The following PCNX2 variants were observed in gnomAD, a reference collection of about 807,000 sequenced individuals.
PCNX2 encodes the protein pecanex 2, also known as pecanex-like protein 2.
PCNX2 carries 168 observed loss-of-function variants against 223.8 expected under a neutral mutation model. That is an observed-to-expected ratio of 0.75 (90% CI 0.66 to 0.85). The LOEUF (loss-of-function observed/expected upper bound fraction) is 0.85. Among genes scored for constraint, PCNX2 ranks in the 40% least tolerant of loss-of-function variants. The pLI is 0.00. For missense variants in PCNX2, 2,507 were observed against 2,675.5 expected, an observed-to-expected ratio of 0.94 and a Z score of 1.39; for synonymous variants, 1,006 against 1,052.6, an observed-to-expected ratio of 0.96 and a Z score of 0.86.
Position 233,161,297 on chromosome 1 carries a change from C to A in PCNX2, c.3340G>T (p.Ala1114Ser). Residue 1114 changes from alanine (A) to serine (S), a missense_variant, in exon 18 of 34, where the codon GCC becomes TCC. Ala to Ser is a moderately conservative substitution (Grantham distance 99). Transcript: ENST00000258229. ...CGCAATGACAGGAATACAGTGCTGG[C>A]GCTGACTGCAAATGAGAGGACAGCA... ...VVAVLSFAVS[A>S]STVFLSLRPF... 1 of 1,613,798 alleles carries A rather than the reference C, an allele frequency of 6.2e-7. No individual in the cohort carries two copies.
intron 5 of PCNX2, among the ~76,000 whole-genome samples, chr1:233,257,023 A>T (rs1166175413): frequency 6.6e-6 from 1 of 152,228 alleles, no homozygotes; most frequent in Non-Finnish European, 1.5e-5. Context: ...CTATGTAGAA[A>T]TGATATGCTC....
At chr1:233,230,919 C>T (rs141279362) in intron 9 of PCNX2, among the ~76,000 whole-genome samples, 1 of 152,048 alleles carries the variant, frequency 6.6e-6, no homozygotes, top group Non-Finnish European at 1.5e-5. Flanking sequence ...TTCTGAGATA[C>T]CTGAGAAATT....
At chr1:233,129,399 C>T (rs983812392) in intron 21 of PCNX2, among the ~76,000 whole-genome samples, 24 of 152,216 alleles carry the variant, frequency 1.6e-4, no homozygotes, top group East Asian at 3.9e-4. Context: ...CACCCCGCCC[C>T]GCCGCGGTGG....
At chr1:233,107,658 A>C (rs67996392) in intron 21 of PCNX2, among the ~76,000 whole-genome samples, 27,211 of 142,904 alleles carry the variant, frequency 0.19, 2,541 homozygotes, top group East Asian at 0.26. Context: ...TTTCTTCCAC[A>C]CTTACAATGA....
At chr1:233,032,924 A>G (rs1056386251) in intron 25 of PCNX2, 1 of 913,410 alleles carries the variant, frequency 1.1e-6, no homozygotes, top group Non-Finnish European at 1.3e-6. Context: ...ATATTAAAAA[A>G]GAATATGAAA....
intron 28 of PCNX2, among the ~76,000 whole-genome samples, chr1:233,005,095 T>G (rs962067060): frequency 9.9e-5 from 15 of 152,252 alleles, no homozygotes; most frequent in African/African-American, 3.6e-4. Context: ...AGAAAACATT[T>G]GGAAATGCTC....
At chr1:233,103,920 T>C (rs963547181) in intron 21 of PCNX2, among the ~76,000 whole-genome samples, 8 of 152,204 alleles carry the variant, frequency 5.3e-5, no homozygotes, top group Non-Finnish European at 8.8e-5. Flanking sequence ...AGGGTTCTCA[T>C]TTCTCCACAT....
intron 21 of PCNX2, chr1:233,112,799 A>C (rs897366066): frequency 8.2e-7 from 1 of 1,223,238 alleles, no homozygotes; most frequent in Non-Finnish European, 1.0e-6. Context: ...TAAGTCTTAC[A>C]TGCTAGGCTT....
intron 28 of PCNX2, among the ~76,000 whole-genome samples, chr1:233,004,467 T>A (rs1313817021): frequency 6.6e-6 from 1 of 152,078 alleles, no homozygotes; most frequent in Non-Finnish European, 1.5e-5. Context: ...CTCCTTTTTT[T>A]TTTTTGCTTT....
At chr1:233,223,351 C>A (rs1657506509) in intron 10 of PCNX2, among the ~76,000 whole-genome samples, 1 of 152,080 alleles carries the variant, frequency 6.6e-6, no homozygotes, top group African/African-American at 2.4e-5. Flanking sequence ...ATGAAAGGAG[C>A]AAATGGAAAC....
intron 12 of PCNX2, among the ~76,000 whole-genome samples, chr1:233,210,201 T>G (rs1681740958): frequency 1.3e-5 from 2 of 152,204 alleles, no homozygotes; most frequent in Admixed American, 6.5e-5. Context: ...ATCACCATGT[T>G]ACTGCTTTAC....
intron 32 of PCNX2, among the ~76,000 whole-genome samples, chr1:232,993,250 A>G (rs1334205599): frequency 6.6e-6 from 1 of 152,328 alleles, no homozygotes; most frequent in East Asian, 1.9e-4. Context: ...CAGGCTGAGG[A>G]GGTCTCAGAT....
At chr1:233,072,535 G>A (rs917897725) in intron 23 of PCNX2, among the ~76,000 whole-genome samples, 3 of 152,148 alleles carry the variant, frequency 2.0e-5, no homozygotes, top group Admixed American at 6.5e-5. Context: ...GTCTATCACT[G>A]ATGGGCATTT....
chr1:233,250,919 G>C (rs927516685), intron 7 of PCNX2, 87 bp from the exon 8 acceptor site: 1 of 1,400,676 alleles, frequency 7.1e-7, no homozygotes, highest in South Asian at 1.4e-5. Context: ...AAGTTAAAAG[G>C]AAACTTATTT....
the PCNX2 span, among the ~76,000 whole-genome samples, chr1:233,302,478 A>G: frequency 6.6e-6 from 1 of 152,012 alleles, no homozygotes; most frequent in East Asian, 1.9e-4. Flanking sequence ...GTCTTCTCAA[A>G]GAAAAAATTT....
chr1:233,202,227 C>T (rs1681161787), intron 13 of PCNX2: 1 of 467,722 alleles, frequency 2.1e-6, no homozygotes, highest in Non-Finnish European at 4.4e-6. Context: ...GTAAAAAAGT[C>T]TTTGTGGCTG....
intron 17 of PCNX2, among the ~76,000 whole-genome samples, chr1:233,165,517 C>A (rs1447977093): frequency 6.6e-6 from 1 of 152,108 alleles, no homozygotes; most frequent in East Asian, 1.9e-4. Context: ...GGTTGAGAAA[C>A]CTTAATGGAG....
chr1:233,007,836 C>T (rs1019532932), intron 28 of PCNX2, among the ~76,000 whole-genome samples: 1 of 151,610 alleles, frequency 6.6e-6, no homozygotes. Flanking sequence ...CCACCATGCC[C>T]GGCTATTTTT....
chr1:233,247,483 G>C (rs1659189831), intron 8 of PCNX2, among the ~76,000 whole-genome samples: 1 of 152,090 alleles, frequency 6.6e-6, no homozygotes, highest in Non-Finnish European at 1.5e-5. Context: ...TGGTGTTTTT[G>C]CTATGTTTTG....
Sources: gnomAD v4.1 joint callset for allele counts (sites outside exome capture counted in the v4.1 genomes callset) on GRCh38, gnomAD v4.1.1 for gene constraint, MANE v1.5 for transcripts, NCBI Gene and HGNC (gene_info 2026-07-23, HGNC 2026-07-21) for gene names.